ADAM19: variants seen among roughly 807,000 people sequenced by gnomAD.
ADAM19 encodes ADAM metallopeptidase domain 19, also known as disintegrin and metalloproteinase domain-containing protein 19.
A neutral mutation model predicts 114.7 loss-of-function variants in ADAM19; 65 were observed. That is an observed-to-expected ratio of 0.57 (90% CI 0.46 to 0.70). ADAM19 has a LOEUF of 0.70. Among genes scored for constraint, ADAM19 ranks in the 30% least tolerant of loss-of-function variants. The pLI, the probability that ADAM19 is intolerant of heterozygous loss-of-function variation, is 0.00. For missense variants in ADAM19, 1,063 were observed against 1,204.7 expected (o/e 0.88, Z 1.74); for synonymous variants, 466 against 460.5 (o/e 1.01, Z -0.15).
intron 5 of ADAM19, among the ~76,000 whole-genome samples, chr5:157,522,088 A>C (rs544019452): frequency 6.6e-6 from 1 of 152,352 alleles, no homozygotes; most frequent in African/African-American, 2.4e-5. Context: ...ACAATAAATA[A>C]GAATCCTCAT....
chr5:157,525,525 T>A (rs903064429), intron 5 of ADAM19, among the ~76,000 whole-genome samples: 2 of 152,118 alleles, frequency 1.3e-5, no homozygotes. Context: ...ATCCCAGCTC[T>A]CCTAATGTTC....
In ADAM19 at chr5:157,493,107, T is replaced by G; in HGVS notation, c.1774A>C (p.Ile592Leu). ...ARPLESNAVPIDTTIIMNGRQ... is the reference protein window; with the variant it reads ...ARPLESNAVPLDTTIIMNGRQ... ...CCATTCATGATGATAGTGGTGTCAATGGGCACCGCGTTGGACTCCAGGGGC... is the reference window on the plus strand; with the variant it reads ...CCATTCATGATGATAGTGGTGTCAAGGGGCACCGCGTTGGACTCCAGGGGC... Residue 592 changes from isoleucine (I) to leucine (L), a missense_variant, in exon 16 of 23, where the codon ATT becomes CTT. Coordinates refer to ENST00000257527, the MANE Select transcript of ADAM19 (RefSeq NM_033274.5). The G allele has an allele frequency of 6.2e-7, 1 of 1,614,200 alleles. No individual in the cohort carries two copies. Among genetic ancestry groups the G allele is most frequent in the Non-Finnish European group, 8.5e-7 (1 of 1,180,040 alleles).
At chr5:157,523,543 C>G (rs964425807) in intron 5 of ADAM19, among the ~76,000 whole-genome samples, 4 of 152,160 alleles carry the variant, frequency 2.6e-5, no homozygotes, top group Admixed American at 6.5e-5. Flanking sequence ...TCCTCCCTTT[C>G]TCTCTCACTT....
At chr5:157,530,604 T>C (rs1756596594) in intron 5 of ADAM19, among the ~76,000 whole-genome samples, 1 of 152,240 alleles carries the variant, frequency 6.6e-6, no homozygotes, top group Non-Finnish European at 1.5e-5. Context: ...ATCAAGTTCA[T>C]CAGGAAAGTT....
intron 4 of ADAM19, among the ~76,000 whole-genome samples, chr5:157,533,510 A>G (rs1403460383): frequency 6.6e-6 from 1 of 152,172 alleles, no homozygotes; most frequent in Non-Finnish European, 1.5e-5. Context: ...CCTGGTCCTT[A>G]GAACTCAACA....
chr5:157,558,511 T>A (rs962362038), intron 3 of ADAM19, among the ~76,000 whole-genome samples: 1 of 152,200 alleles, frequency 6.6e-6, no homozygotes, highest in Non-Finnish European at 1.5e-5. Flanking sequence ...TGAAGCATGG[T>A]TTACTAAGAG....
intron 11 of ADAM19, among the ~76,000 whole-genome samples, chr5:157,505,009 C>T (rs1191450156): frequency 6.6e-6 from 1 of 150,950 alleles, no homozygotes; most frequent in African/African-American, 2.4e-5. Flanking sequence ...TTCCCAGCTA[C>T]TCGGGAGGCT....
At chr5:157,495,068 C>A (rs974625200) in intron 14 of ADAM19, among the ~76,000 whole-genome samples, 50 of 152,226 alleles carry the variant, frequency 3.3e-4, no homozygotes, top group African/African-American at 1.0e-3. Flanking sequence ...CGGCTCATTG[C>A]ATCCTCCGCC....
intron 5 of ADAM19, 25 bp downstream of exon 5, chr5:157,530,782 C>T (rs774808084): frequency 6.2e-7 from 1 of 1,606,300 alleles, no homozygotes; most frequent in South Asian, 1.1e-5. Flanking sequence ...TGCCCGGTGC[C>T]ACCTGCAGCC....
intron 5 of ADAM19, among the ~76,000 whole-genome samples, chr5:157,528,375 C>T (rs937287102): frequency 1.3e-5 from 2 of 152,248 alleles, no homozygotes; most frequent in African/African-American, 4.8e-5. Context: ...CAAGTTCCCA[C>T]TGCTCCAGAC....
intron 5 of ADAM19, among the ~76,000 whole-genome samples, chr5:157,524,685 A>G (rs531042181): frequency 6.3e-4 from 96 of 152,324 alleles, no homozygotes; most frequent in Admixed American, 2.5e-3. Context: ...GAAGGCTTGT[A>G]GGTCATGTAC....
At chr5:157,562,965 T>C (rs566646898) in intron 3 of ADAM19, among the ~76,000 whole-genome samples, 9 of 151,916 alleles carry the variant, frequency 5.9e-5, no homozygotes, top group Non-Finnish European at 1.0e-4. Context: ...CAGGAGAGAT[T>C]AGACACAGGC....
chr5:157,499,695 G>A, intron 12 of ADAM19, 33 bp from the exon 13 acceptor site: 2 of 1,475,986 alleles, frequency 1.4e-6, no homozygotes, highest in African/African-American at 1.4e-5. Context: ...GTGAGTGGGG[G>A]AGGGCCTTCA....
In ADAM19 at chr5:157,506,414, C is replaced by T. The variant is rs550092638; in HGVS notation, c.991-606G>A. Among the ~76,000 whole-genome samples, 13 of 152,302 alleles carry T rather than the reference C, an allele frequency of 8.5e-5. No individual in the cohort carries two copies. In the East Asian group the frequency reaches 2.3e-3, roughly 27 times the overall value. On this transcript the variant is annotated intron_variant, in intron 10 of 22. Coordinates refer to ENST00000257527, the MANE Select transcript of ADAM19 (RefSeq NM_033274.5). ...TATGATTATCAACTGTAAAACTATG[C>T]GTTTTTTACAGCTGAGAACACTCAT... is the stretch of plus-strand genomic sequence containing the variant.
chr5:157,541,341 C>T (rs1047917623), intron 3 of ADAM19, among the ~76,000 whole-genome samples: 11 of 152,146 alleles, frequency 7.2e-5, no homozygotes, highest in East Asian at 1.9e-4. Flanking sequence ...TTTCCCATTC[C>T]GCCCACTCCT....
At chr5:157,571,294 G>A (rs967379518) in intron 1 of ADAM19, among the ~76,000 whole-genome samples, 4 of 152,220 alleles carry the variant, frequency 2.6e-5, no homozygotes, top group Non-Finnish European at 2.9e-5. Context: ...GTGCCTATTT[G>A]AAACAGGATG....
chr5:157,560,251 C>A (rs1394310744), intron 3 of ADAM19, among the ~76,000 whole-genome samples: 1 of 108,704 alleles, frequency 9.2e-6, no homozygotes, highest in Admixed American at 1.4e-4. Context: ...GGCGACAGAG[C>A]GAGACTCCGT....
At chr5:157,536,455 C>T (rs1756768127) in intron 4 of ADAM19, among the ~76,000 whole-genome samples, 1 of 152,190 alleles carries the variant, frequency 6.6e-6, no homozygotes, top group Non-Finnish European at 1.5e-5. Flanking sequence ...TGGTGAAACC[C>T]TGTCTCTACT....
intron 16 of ADAM19, 134 bp from the exon 17 acceptor site, chr5:157,492,046 C>A: frequency 2.7e-6 from 2 of 741,636 alleles, no homozygotes; most frequent in Non-Finnish European, 4.5e-6. Context: ...AATCCCAGCA[C>A]TTTGGGAGGC....
Sources: allele counts gnomAD v4.1 joint callset (sites outside exome capture counted in the v4.1 genomes callset), GRCh38; gene constraint gnomAD v4.1.1; transcripts MANE v1.5; gene names NCBI Gene and HGNC (gene_info 2026-07-23, HGNC 2026-07-21).